UGGT2: variants seen among roughly 807,000 people sequenced by gnomAD.
UGGT2 encodes UDP-glucose glycoprotein glucosyltransferase 2.
UGGT2 carries 180 observed loss-of-function variants against 192.1 expected under a neutral mutation model. The observed-to-expected ratio is 0.94, with a 90% CI of 0.83 to 1.06. The LOEUF is 1.06. UGGT2 is among the 50% of genes least tolerant of loss of function. The probability of loss-of-function intolerance (pLI) is 0.00; values close to 1 mark genes in which losing one functional copy is unlikely to be tolerated. For missense variants in UGGT2, 1,849 were observed against 1,795.7 expected (o/e 1.03, Z -0.54); for synonymous variants, 580 against 591.0 (o/e 0.98, Z 0.27).
At chr13:95,947,264 G>C in intron 14 of UGGT2, 92 bp from the exon 15 acceptor site, 1 of 1,241,930 alleles carries the variant, frequency 8.1e-7, no homozygotes, top group Non-Finnish European at 1.1e-6. Context: ...ACAATATCTA[G>C]ATGGAGAGAA....
chr13:95,848,428 T>A (rs1418493509), intron 36 of UGGT2, among the ~76,000 whole-genome samples: 1 of 152,192 alleles, frequency 6.6e-6, no homozygotes, highest in African/African-American at 2.4e-5. Context: ...TTGCATTTTG[T>A]GTTTTACATT....
At chr13:95,837,745 C>A (rs1174091196) in intron 36 of UGGT2, among the ~76,000 whole-genome samples, 1 of 152,200 alleles carries the variant, frequency 6.6e-6, no homozygotes, top group Non-Finnish European at 1.5e-5. Flanking sequence ...TCAGACAAAT[C>A]TTCCCCAGAG....
At chr13:96,019,565 A>G (rs1317129599) in intron 4 of UGGT2, among the ~76,000 whole-genome samples, 7 of 152,126 alleles carry the variant, frequency 4.6e-5, no homozygotes, top group African/African-American at 1.4e-4. Context: ...GTTTGTCTCT[A>G]TTCACACTTA....
rs368847591 is a variant in UGGT2, at chr13:95,867,329, C to T, written c.3558+10G>A. 1.0e-4 allele frequency: 160 copies of T among 1,593,130 alleles called. 1 individual carries two copies. The highest frequency in any genetic ancestry group is 8.5e-6 in the Non-Finnish European group (10 of 1,170,946). ...GAACAAAGCCTATAAAAAGTTCTGC[C>T]CCCACATACTTTTACTTTGAGTATC... On this transcript the variant is annotated intron_variant, in intron 30 of 38. Transcript: ENST00000376747.
At chr13:95,822,460 C>T (rs2139806255) in intron 38 of UGGT2, among the ~76,000 whole-genome samples, 1 of 152,104 alleles carries the variant, frequency 6.6e-6, no homozygotes, top group East Asian at 1.9e-4. Context: ...TTAGGGTTTT[C>T]TAGGTAGATG....
At position 95,900,867 on chromosome 13, in the gene UGGT2, C is replaced by T. The variant is rs766687689; in HGVS notation, c.2574G>A (p.Leu858=). The stretch of plus-strand genomic sequence containing the variant: ...GTAATTTAAGTACATCTTGACAGAA[C>T]AACTGGTGAGTTCGAAAAATATTCA... ...VGVNIFRTHQ[L]FCQDVLKLRP... The change falls in exon 22 of 39, where the codon TTG becomes TTA. Residue 858 remains leucine (L), a synonymous_variant. Coordinates refer to ENST00000376747, the MANE Select transcript of UGGT2 (RefSeq NM_020121.4). The T allele has an allele frequency of 2.4e-5, 38 of 1,611,584 alleles. No homozygotes were observed. Among genetic ancestry groups the T allele is most frequent in the Admixed American group, 8.4e-5 (5 of 59,456 alleles).
At chr13:95,878,719 T>C (rs2047411289) in intron 27 of UGGT2, among the ~76,000 whole-genome samples, 1 of 152,206 alleles carries the variant, frequency 6.6e-6, no homozygotes, top group Non-Finnish European at 1.5e-5. Context: ...ATATTAGGTT[T>C]TCAACACTAT....
At chr13:95,829,335 G>A (rs1303610793) in intron 38 of UGGT2, among the ~76,000 whole-genome samples, 1 of 152,118 alleles carries the variant, frequency 6.6e-6, no homozygotes, top group Non-Finnish European at 1.5e-5. Context: ...TCAGGCAGGA[G>A]AAAGAAATAA....
At chr13:95,953,336 C>A (rs867488950) in intron 12 of UGGT2, among the ~76,000 whole-genome samples, 5 of 152,116 alleles carry the variant, frequency 3.3e-5, no homozygotes, top group Non-Finnish European at 4.4e-5. Flanking sequence ...TTTGCAATGT[C>A]TTTTTCTTTT....
At chr13:96,047,112 A>C (rs896337745) in intron 1 of UGGT2, among the ~76,000 whole-genome samples, 1 of 152,188 alleles carries the variant, frequency 6.6e-6, no homozygotes, top group Non-Finnish European at 1.5e-5. Context: ...GACAGCTTTG[A>C]AGAGAGTGGT....
chr13:95,837,197 G>A lies in UGGT2; in HGVS notation c.4290C>T (p.Leu1430=), dbSNP rs1887384881. 6.2e-7 allele frequency: 1 copy of A among 1,608,582 alleles called. No homozygotes were observed. The highest frequency in any genetic ancestry group is 1.7e-5 in the Admixed American group (1 of 59,934). ...PNSLSNLDQD[L]PNNMIYQVAI... is the part of the protein sequence containing the mutation. The stretch of plus-strand genomic sequence containing the variant: ...CGACTTGGTAAATCATATTATTGGG[G>A]AGATCCTACAGAAAATTGTGATTTA... Residue 1430 remains leucine, a synonymous_variant, in exon 37 of 39, where the codon CTC becomes CTT. Coordinates refer to ENST00000376747, the MANE Select transcript of UGGT2 (RefSeq NM_020121.4).
At chr13:95,920,503 A>T (rs1329505517) in intron 20 of UGGT2, among the ~76,000 whole-genome samples, 1 of 152,216 alleles carries the variant, frequency 6.6e-6, no homozygotes, top group Non-Finnish European at 1.5e-5. Context: ...ATTTACAAGA[A>T]AAAAACAAAC....
At chr13:95,960,733 T>C (rs1240173132) in intron 12 of UGGT2, among the ~76,000 whole-genome samples, 1 of 152,188 alleles carries the variant, frequency 6.6e-6, no homozygotes, top group Non-Finnish European at 1.5e-5. Flanking sequence ...GTTTTGCCCA[T>C]GGCAAATTAT....
chr13:95,802,054 G>C (rs1279403029), intron 38 of UGGT2, among the ~76,000 whole-genome samples: 1 of 152,112 alleles, frequency 6.6e-6, no homozygotes, highest in African/African-American at 2.4e-5. Flanking sequence ...ATGAGTCTAT[G>C]AGGACAAGGA....
At chr13:95,810,741 A>G (rs1388430414) in intron 38 of UGGT2, among the ~76,000 whole-genome samples, 3 of 152,190 alleles carry the variant, frequency 2.0e-5, no homozygotes, top group Non-Finnish European at 4.4e-5. Flanking sequence ...TACCAAAAAC[A>G]CAAGCAAGGA....
intron 20 of UGGT2, among the ~76,000 whole-genome samples, chr13:95,905,894 C>A (rs953846541): frequency 6.6e-6 from 1 of 151,974 alleles, no homozygotes; most frequent in Admixed American, 6.6e-5. Flanking sequence ...TTGTGTATGA[C>A]GTGAAAAGGG....
intron 9 of UGGT2, among the ~76,000 whole-genome samples, chr13:95,984,632 T>C (rs2051234128): frequency 6.6e-6 from 1 of 152,134 alleles, no homozygotes; most frequent in African/African-American, 2.4e-5. Context: ...ACCCAGCCTA[T>C]TCACTCTTGA....
chr13:95,938,873 A>T (rs994207626), intron 16 of UGGT2, among the ~76,000 whole-genome samples: 2 of 152,114 alleles, frequency 1.3e-5, no homozygotes, highest in Non-Finnish European at 2.9e-5. Flanking sequence ...AAAGCCTACT[A>T]GTCCATCTCA....
chr13:95,827,613 C>A (rs1886176567), intron 38 of UGGT2, among the ~76,000 whole-genome samples: 1 of 151,868 alleles, frequency 6.6e-6, no homozygotes, highest in South Asian at 2.1e-4. Context: ...TTATAGCAGC[C>A]CTAGCAAACT....
Sources: gnomAD v4.1 joint callset for allele counts (sites outside exome capture counted in the v4.1 genomes callset) on GRCh38, gnomAD v4.1.1 for gene constraint, MANE v1.5 for transcripts, NCBI Gene and HGNC (gene_info 2026-07-23, HGNC 2026-07-21) for gene names.